The following SAP130 variants were observed in gnomAD, a reference collection of about 807,000 sequenced individuals.
The protein encoded by SAP130 is Sin3A associated protein 130, also known as histone deacetylase complex subunit SAP130.
SAP130 carries 16 observed loss-of-function variants against 103.2 expected under a neutral mutation model. The ratio of observed to expected loss-of-function variants is 0.16; its 90% CI spans 0.10 to 0.24. The LOEUF is 0.24. Ranked by LOEUF, SAP130 falls within the 10% of genes least tolerant of loss-of-function variation. The pLI, the probability that SAP130 is intolerant of heterozygous loss-of-function variation, is 1.00. For synonymous variants in SAP130, 477 were observed against 497.0 expected (o/e 0.96, Z 0.53); for missense variants, 990 against 1,359.7 (o/e 0.73, Z 4.28).
chr2:128,014,738 TA>T, intron 5 of SAP130, 64 bp downstream of exon 5: 1 of 1,135,912 alleles, frequency 8.8e-7, no homozygotes. Context: ...CTGTGTTACG[TA>T]TTTTACCAAA....
Position 127,941,984 on chromosome 2 carries a change from C to G in SAP130, c.*22G>C. ...CCATCATTCTTCATAAATTTGCTTC[C>G]AATCTCCTGATTGTTCTGGGTCTAG... On this transcript the variant is annotated 3_prime_UTR_variant, in exon 21 of 21. Transcript: ENST00000643581. 8.2e-7 allele frequency: 1 copy of G among 1,223,940 alleles called. No homozygotes were observed. Among genetic ancestry groups the G allele is most frequent in the Non-Finnish European group, 1.1e-6 (1 of 946,822 alleles). The allele number at this position is 1,223,940 out of a possible 1,614,324, so 75.8% of individuals were successfully genotyped here.
At chr2:128,001,168 C>A (rs1388977255) in intron 7 of SAP130, among the ~76,000 whole-genome samples, 1 of 152,100 alleles carries the variant, frequency 6.6e-6, no homozygotes, top group Non-Finnish European at 1.5e-5. Context: ...ACAGAGGATG[C>A]CAAATTAATT....
At chr2:128,027,245 T>G in intron 1 of SAP130, 1 of 1,182,178 alleles carries the variant, frequency 8.5e-7, no homozygotes, top group Non-Finnish European at 1.0e-6. Context: ...CCAGCCCCGC[T>G]GGCCCCACTC....
At chr2:128,013,541 T>C (rs977382594) in intron 5 of SAP130, among the ~76,000 whole-genome samples, 3 of 152,126 alleles carry the variant, frequency 2.0e-5, no homozygotes, top group African/African-American at 7.2e-5. Flanking sequence ...ATTATGAACC[T>C]TAACCTTAAA....
chr2:127,995,775 C>A (rs1573775749), intron 11 of SAP130, among the ~76,000 whole-genome samples: 2 of 152,250 alleles, frequency 1.3e-5, no homozygotes, highest in African/African-American at 4.8e-5. Context: ...CAGCAAACAT[C>A]ACCTTCACTA....
Position 127,941,824 on chromosome 2 carries a change from T to C in SAP130, c.*182A>G. The C allele has an allele frequency of 1.7e-6, 1 of 599,762 alleles. No homozygotes were observed. Among genetic ancestry groups the C allele is most frequent in the Non-Finnish European group, 2.9e-6 (1 of 348,286 alleles). The allele number at this position is 599,762 out of a possible 1,614,324, so 37.2% of individuals were successfully genotyped here. On this transcript the variant is annotated 3_prime_UTR_variant, in exon 21 of 21. Transcript: ENST00000643581. ...ACCCGAACGCAAGAAGGCAGCTCAC[T>C]ATGTCCAGTCAGCTCTGATCCTTTC...
At chr2:128,002,793 A>G (rs894775979) in intron 7 of SAP130, among the ~76,000 whole-genome samples, 1 of 152,172 alleles carries the variant, frequency 6.6e-6, no homozygotes, top group African/African-American at 2.4e-5. Context: ...ATCAAAAACA[A>G]TAAAGTACTC....
At position 127,989,802 on chromosome 2, in the gene SAP130, G is replaced by A. The variant is rs747303046; in HGVS notation, c.1542C>T (p.Val514=). 3.7e-5 allele frequency: 60 copies of A among 1,614,106 alleles called. 3 individuals are homozygous for A. In the South Asian group the frequency reaches 6.5e-4, roughly 17 times the overall value. Residue 514 remains valine, a synonymous_variant, in exon 13 of 21, where the codon GTC becomes GTT. Coordinates refer to ENST00000643581, the MANE Select transcript of SAP130 (RefSeq NM_001330301.2). This position sits in a 1 kb window ranked among gnomAD's most constrained non-coding sequence, Gnocchi z 4.6. ...TCATCAACTGCATGGGGTTTAGGTG[G>A]ACGGTAGACGCTACCCCAACACCAG... is the stretch of plus-strand genomic sequence containing the variant. ...AQTGVGVAST[V]HLNPMQLMTV... is the part of the protein sequence containing the mutation.
chr2:128,009,131 C>T (rs921990875), intron 7 of SAP130, among the ~76,000 whole-genome samples: 5 of 152,156 alleles, frequency 3.3e-5, no homozygotes, highest in South Asian at 4.1e-4. Flanking sequence ...ACACCCCCAC[C>T]GCCTGCCCCA....
intron 2 of SAP130, among the ~76,000 whole-genome samples, chr2:128,019,025 G>A (rs535801420): frequency 2.6e-5 from 4 of 151,638 alleles, no homozygotes; most frequent in Non-Finnish European, 4.4e-5. Context: ...TTGAACCCAG[G>A]AGATGGGAGG....
intron 15 of SAP130, among the ~76,000 whole-genome samples, chr2:127,960,391 A>G (rs1279612112): frequency 6.6e-6 from 1 of 152,160 alleles, no homozygotes; most frequent in African/African-American, 2.4e-5. Flanking sequence ...GGCTTCAAGG[A>G]GGGATATGAT....
At chr2:128,010,706 CA>C (rs998352782) in intron 6 of SAP130, among the ~76,000 whole-genome samples, 7 of 151,172 alleles carry the variant, frequency 4.6e-5, no homozygotes, top group Non-Finnish European at 1.0e-4. Flanking sequence ...ACTAAAAATA[CA>C]AAAAAAATTA....
rs753693352 is a variant in SAP130, at chr2:127,942,002, G to A, written c.*4C>T. The A allele has an allele frequency of 1.9e-5, 29 of 1,563,668 alleles. 1 individual carries two copies. In the South Asian group the frequency reaches 3.4e-4, roughly 18 times the overall value. ...TTGCTTCCAATCTCCTGATTGTTCT[G>A]GGTCTAGACTTTTTCCTTTCGCTTC... On this transcript the variant is annotated 3_prime_UTR_variant, in exon 21 of 21. Coordinates refer to ENST00000643581, the MANE Select transcript of SAP130 (RefSeq NM_001330301.2). This position sits in a 1 kb window ranked among gnomAD's most constrained non-coding sequence, Gnocchi z 4.8.
At chr2:127,945,607 G>C (rs1368040610) in intron 18 of SAP130, 48 bp from the exon 19 acceptor site, 1 of 1,166,062 alleles carries the variant, frequency 8.6e-7, no homozygotes, top group Non-Finnish European at 1.3e-6. Flanking sequence ...GTTTAAAAAG[G>C]TAAATGATTT....
intron 2 of SAP130, among the ~76,000 whole-genome samples, chr2:128,024,896 A>T (rs1227866766): frequency 5.3e-5 from 8 of 151,604 alleles, no homozygotes; most frequent in Non-Finnish European, 1.0e-4. Flanking sequence ...TTAAAAAAAT[A>T]AAAAATAAAA....
intron 1 of SAP130, chr2:128,027,269 GGCC>G (rs1376118673): frequency 9.3e-7 from 1 of 1,080,314 alleles, no homozygotes; most frequent in African/African-American, 1.8e-5. Flanking sequence ...CCCGCCACCC[GGCC>G]GCCGCTGTGC....
chr2:128,019,703 T>C (rs930354719), intron 2 of SAP130, among the ~76,000 whole-genome samples: 3 of 152,104 alleles, frequency 2.0e-5, no homozygotes, highest in African/African-American at 7.2e-5. Flanking sequence ...CTGTCCAACA[T>C]GGTGAAACCC....
chr2:127,965,594 A>T (rs1370409751), intron 15 of SAP130, among the ~76,000 whole-genome samples: 1 of 152,124 alleles, frequency 6.6e-6, no homozygotes, highest in Non-Finnish European at 1.5e-5. Context: ...GTTTGAGACC[A>T]GCCTAACCAA....
chr2:128,024,267 C>G (rs908404466), intron 2 of SAP130, among the ~76,000 whole-genome samples: 16 of 151,694 alleles, frequency 1.1e-4, no homozygotes, highest in Non-Finnish European at 2.1e-4. Flanking sequence ...TTCCTTGAGG[C>G]CAGGAGTTTG....
Sources: gnomAD v4.1 joint callset for allele counts (sites outside exome capture counted in the v4.1 genomes callset) on GRCh38, gnomAD v4.1.1 for gene constraint, Gnocchi (gnomAD v3.1) non-coding constraint, MANE v1.5 for transcripts, NCBI Gene and HGNC (gene_info 2026-07-23, HGNC 2026-07-21) for gene names.